Variants in ZNF804A observed in about 807,000 individuals in gnomAD.
ZNF804A encodes zinc finger protein 804A.
Under a neutral mutation model 16.5 loss-of-function variants are expected in ZNF804A, and 2 were observed. That is an observed-to-expected ratio of 0.12 (90% CI 0.05 to 0.38). The LOEUF (loss-of-function observed/expected upper bound fraction) is 0.38, where lower values mean the gene tolerates loss of function less well. Ranked by LOEUF, ZNF804A falls within the 10% of genes least tolerant of loss-of-function variation. ZNF804A has a pLI of 0.99. For synonymous variants in ZNF804A, 534 were observed against 489.6 expected (o/e 1.09, Z -1.20); for missense variants, 1,473 against 1,390.7 (o/e 1.06, Z -0.94).
intron 1 of ZNF804A, among the ~76,000 whole-genome samples, chr2:184,675,418 A>G (rs2105715332): frequency 6.6e-6 from 1 of 151,920 alleles, no homozygotes; most frequent in South Asian, 2.1e-4. Context: ...AAACCCTAGC[A>G]TTATTACATA....
chr2:184,848,397 C>G (rs1235890308), intron 1 of ZNF804A, among the ~76,000 whole-genome samples: 1 of 151,882 alleles, frequency 6.6e-6, no homozygotes, highest in Non-Finnish European at 1.5e-5. Context: ...ACTCCAATGC[C>G]CAAAGGTATT....
intron 1 of ZNF804A, among the ~76,000 whole-genome samples, chr2:184,632,496 A>G (rs1353923769): frequency 6.6e-6 from 1 of 152,140 alleles, no homozygotes; most frequent in Non-Finnish European, 1.5e-5. Flanking sequence ...CCTGGGTCCA[A>G]GCAATTCTCC....
At chr2:184,831,305 CTGTG>C (rs528867955) in intron 1 of ZNF804A, among the ~76,000 whole-genome samples, 6 of 151,456 alleles carry the variant, frequency 4.0e-5, no homozygotes, top group East Asian at 3.9e-4. Context: ...TTCCTTTACT[CTGTG>C]TGTGTGTGTC....
At chr2:184,695,929 AT>A (rs1216240890) in intron 1 of ZNF804A, among the ~76,000 whole-genome samples, 3 of 152,030 alleles carry the variant, frequency 2.0e-5, no homozygotes, top group Non-Finnish European at 2.9e-5. Context: ...GACTTCTATT[AT>A]TTTTTCCAGT....
chr2:184,919,779 T>C (rs1685501642), intron 2 of ZNF804A, among the ~76,000 whole-genome samples: 1 of 152,102 alleles, frequency 6.6e-6, no homozygotes, highest in Admixed American at 6.6e-5. Context: ...TTCTTCCCAT[T>C]GTGAGAAATT....
At chr2:184,827,921 C>T (rs1409054803) in intron 1 of ZNF804A, among the ~76,000 whole-genome samples, 9 of 151,538 alleles carry the variant, frequency 5.9e-5, no homozygotes, top group South Asian at 2.1e-4. Context: ...CTTGAGAGTG[C>T]GTACTTGTAA....
intron 1 of ZNF804A, among the ~76,000 whole-genome samples, chr2:184,665,877 C>T (rs778136952): frequency 2.1e-4 from 32 of 152,130 alleles, no homozygotes; most frequent in African/African-American, 3.4e-4. Context: ...ATTTCATTGA[C>T]GCCTCCTCTA....
chr2:184,925,323 A>G (rs1291722343), intron 2 of ZNF804A, among the ~76,000 whole-genome samples: 1 of 151,810 alleles, frequency 6.6e-6, no homozygotes, highest in Admixed American at 6.6e-5. Context: ...TTGTCATCGA[A>G]TCTGTTTATC....
chr2:184,819,598 G>T (rs529853978), intron 1 of ZNF804A, among the ~76,000 whole-genome samples: 1 of 151,100 alleles, frequency 6.6e-6, no homozygotes, highest in Non-Finnish European at 1.5e-5. Context: ...ATGGAGACAC[G>T]AAGAACCCTT....
Position 184,820,529 on chromosome 2 carries a change from C to G in ZNF804A, c.112-45840C>G, listed in dbSNP as rs1695060012. On this transcript the variant is annotated intron_variant, in intron 1 of 3. Coordinates refer to ENST00000302277, the MANE Select transcript of ZNF804A (RefSeq NM_194250.2). The stretch of plus-strand genomic sequence containing the variant: ...CACAAGAAAAGGATGACCTCTCTCA[C>G]CACTGCTATTCAACATAGTATTGGA... Among the ~76,000 whole-genome samples the G allele has an allele frequency of 3.3e-5, 5 of 152,082 alleles. No individual in the cohort carries two copies. In the South Asian group the frequency reaches 6.2e-4, roughly 19 times the overall value.
chr2:184,747,321 CAAAAAAAAAAAA>C (rs397986917), intron 1 of ZNF804A, among the ~76,000 whole-genome samples: 1 of 78,092 alleles, frequency 1.3e-5, no homozygotes, highest in Non-Finnish European at 2.5e-5. Context: ...AATCTTGCTG[CAAAAAAAAAAAA>C]AAAAAAAAAG....
At chr2:184,647,103 A>C (rs1485506352) in intron 1 of ZNF804A, among the ~76,000 whole-genome samples, 1 of 152,224 alleles carries the variant, frequency 6.6e-6, no homozygotes, top group Non-Finnish European at 1.5e-5. Flanking sequence ...AACCTGTCTA[A>C]AGAAATGCAT....
intron 1 of ZNF804A, among the ~76,000 whole-genome samples, chr2:184,687,035 A>G (rs1434591588): frequency 6.6e-6 from 1 of 152,128 alleles, no homozygotes; most frequent in Non-Finnish European, 1.5e-5. Flanking sequence ...TTTAGGTATC[A>G]CTTATAAATT....
At chr2:184,622,696 C>T (rs1691438183) in intron 1 of ZNF804A, among the ~76,000 whole-genome samples, 1 of 151,722 alleles carries the variant, frequency 6.6e-6, no homozygotes, top group Non-Finnish European at 1.5e-5. Context: ...AAAAACAATA[C>T]AACAACATTG....
chr2:184,717,813 T>A (rs547223351), intron 1 of ZNF804A, among the ~76,000 whole-genome samples: 1 of 152,312 alleles, frequency 6.6e-6, no homozygotes, highest in East Asian at 1.9e-4. Context: ...TCATTTCTAT[T>A]TGTTTTTAAC....
At chr2:184,650,160 C>T (rs1217363739) in intron 1 of ZNF804A, among the ~76,000 whole-genome samples, 1 of 151,992 alleles carries the variant, frequency 6.6e-6, no homozygotes, top group Non-Finnish European at 1.5e-5. Context: ...TCAATATACA[C>T]AAATCAATAA....
intron 1 of ZNF804A, among the ~76,000 whole-genome samples, chr2:184,728,752 G>C (rs923041515): frequency 1.3e-5 from 2 of 151,638 alleles, no homozygotes; most frequent in Admixed American, 6.6e-5. Context: ...GATTTAGCTT[G>C]CTTAAGAAAA....
chr2:184,707,258 G>A (rs1477363863), intron 1 of ZNF804A, among the ~76,000 whole-genome samples: 2 of 152,098 alleles, frequency 1.3e-5, no homozygotes, highest in Non-Finnish European at 2.9e-5. Context: ...AGTGTGTGGG[G>A]AAAGAATTAC....
intron 1 of ZNF804A, among the ~76,000 whole-genome samples, chr2:184,664,659 G>A (rs533029798): frequency 6.6e-6 from 1 of 152,148 alleles, no homozygotes; most frequent in African/African-American, 2.4e-5. Flanking sequence ...TTCTTTAGCT[G>A]CATCATGCAG....
Sources: gnomAD v4.1 joint callset for allele counts (sites outside exome capture counted in the v4.1 genomes callset) on GRCh38, gnomAD v4.1.1 for gene constraint, MANE v1.5 for transcripts, NCBI Gene and HGNC (gene_info 2026-07-23, HGNC 2026-07-21) for gene names.